ZFPM1: variants seen among roughly 807,000 people sequenced by gnomAD.
ZFPM1 encodes the protein zinc finger protein ZFPM1.
In ZFPM1, 28 loss-of-function variants were observed where a neutral mutation model predicts 46.3. The ratio of observed to expected loss-of-function variants is 0.60; its 90% confidence interval spans 0.45 to 0.83. The LOEUF (loss-of-function observed/expected upper bound fraction) is 0.83. Ranked by LOEUF, ZFPM1 falls within the 40% of genes least tolerant of loss-of-function variation. The probability of loss-of-function intolerance (pLI) is 0.00; values close to 1 mark genes in which losing one functional copy is unlikely to be tolerated. For missense variants in ZFPM1, 1,878 were observed against 1,432.4 expected, an observed-to-expected ratio of 1.31 and a Z score of -5.02; for synonymous variants, 957 against 675.9, an observed-to-expected ratio of 1.42 and a Z score of -6.45.
intron 3 of ZFPM1, among the ~76,000 whole-genome samples, chr16:88,506,573 G>T (rs1015793402): frequency 6.6e-6 from 1 of 152,172 alleles, no homozygotes; most frequent in Non-Finnish European, 1.5e-5. Context: ...GGGTGTGCAC[G>T]GGGCACAGCT....
chr16:88,505,016 C>A (rs1910571628), intron 3 of ZFPM1, among the ~76,000 whole-genome samples: 1 of 152,244 alleles, frequency 6.6e-6, no homozygotes, highest in Non-Finnish European at 1.5e-5. Flanking sequence ...AGGGTTCAGC[C>A]CGATAAAGAT....
chr16:88,477,478 C>G (rs1366960515), intron 1 of ZFPM1, among the ~76,000 whole-genome samples: 3 of 152,180 alleles, frequency 2.0e-5, no homozygotes, highest in Admixed American at 6.5e-5. Context: ...AAAAGCCAAA[C>G]ATGGCTGGGT....
intron 1 of ZFPM1, among the ~76,000 whole-genome samples, chr16:88,470,288 G>A (rs1354349316): frequency 1.3e-5 from 2 of 152,186 alleles, no homozygotes; most frequent in Non-Finnish European, 1.5e-5. Flanking sequence ...GGGTTGGGGC[G>A]GGCAGCCTCT....
intron 2 of ZFPM1, among the ~76,000 whole-genome samples, chr16:88,487,961 GCA>G (rs1909327206): frequency 6.6e-6 from 1 of 152,226 alleles, no homozygotes. Context: ...GTCCCCGTCG[GCA>G]CACGCTGCTC....
At chr16:88,520,374 A>C (rs1341847441) in intron 4 of ZFPM1, among the ~76,000 whole-genome samples, 1 of 139,100 alleles carries the variant, frequency 7.2e-6, no homozygotes, top group Non-Finnish European at 1.6e-5. Flanking sequence ...TGGATGGATG[A>C]GTGGATGGAT....
At position 88,469,668 on chromosome 16, in the gene ZFPM1, G is replaced by A. The variant is rs77955108; in HGVS notation, c.40+15990G>A. Among the ~76,000 whole-genome samples the A allele has an allele frequency of 0.016, 2,401 of 152,344 alleles. 65 individuals are homozygous for A. Among genetic ancestry groups the A allele is most frequent in the African/African-American group, 0.055 (2,300 of 41,576 alleles). On this transcript the variant is annotated intron_variant, in intron 1 of 9. Transcript: ENST00000319555. The surrounding 1 kb of genome is among the most constrained non-coding windows in gnomAD (Gnocchi z 4.3). ...GCTCCGCCGGCCTGAGACCTGGCTG[G>A]AGGCCCTGTCAGCTCCCACGGCACC...
intron 2 of ZFPM1, among the ~76,000 whole-genome samples, 158 bp from the exon 3 acceptor site, chr16:88,488,873 G>T (rs1909391090): frequency 6.6e-6 from 1 of 152,214 alleles, no homozygotes. Context: ...TTGGATGTCT[G>T]TCCCACCCCA....
At chr16:88,463,821 G>C (rs1004860387) in intron 1 of ZFPM1, among the ~76,000 whole-genome samples, 3 of 152,232 alleles carry the variant, frequency 2.0e-5, no homozygotes, top group Non-Finnish European at 4.4e-5. Flanking sequence ...GGCAGATCCA[G>C]CTCTGGCCTC....
upstream of ZFPM1, among the ~76,000 whole-genome samples, chr16:88,452,697 G>A (rs1907328798): frequency 6.6e-6 from 1 of 152,288 alleles, no homozygotes; most frequent in South Asian, 2.1e-4. Context: ...GGAGCGTGCG[G>A]CAGAGCCCAG....
chr16:88,512,918 G>A (rs1597265133), intron 3 of ZFPM1: 1 of 152,260 alleles, frequency 6.6e-6, no homozygotes, highest in Non-Finnish European at 1.5e-5. Context: ...GGACCCCGGT[G>A]CCCCACTGCT....
At chr16:88,531,692 C>T (rs1319813395) in intron 6 of ZFPM1, among the ~76,000 whole-genome samples, 1 of 152,226 alleles carries the variant, frequency 6.6e-6, no homozygotes, top group Non-Finnish European at 1.5e-5. Context: ...TGGCGGTGTC[C>T]ACTTCTTCCT....
rs1910002588 is a variant in ZFPM1 at position 88,497,555 on chromosome 16, G to A, written c.268+8402G>A. ...CGGGGATGGGGTTCAGCGGGGTCAGGGCGGGGGCTCAGTGCCAGGGACTGC... is the reference window on the plus strand; with the variant it reads ...CGGGGATGGGGTTCAGCGGGGTCAGAGCGGGGGCTCAGTGCCAGGGACTGC... On this transcript the variant is annotated intron_variant, in intron 3 of 9. Transcript: ENST00000319555. The surrounding 1 kb of genome is among the most constrained non-coding windows in gnomAD (Gnocchi z 5.4). Among the ~76,000 whole-genome samples, 1 of 151,830 alleles carries A rather than the reference G, an allele frequency of 6.6e-6. No individual in the cohort carries two copies. Among genetic ancestry groups the A allele is most frequent in the African/African-American group, 2.4e-5 (1 of 41,308 alleles).
chr16:88,496,488 A>C (rs915977630), intron 3 of ZFPM1, among the ~76,000 whole-genome samples: 1 of 152,016 alleles, frequency 6.6e-6, no homozygotes, highest in East Asian at 1.9e-4. Flanking sequence ...CTCCAGGGGC[A>C]AAGTGGGGCC....
intron 3 of ZFPM1, among the ~76,000 whole-genome samples, chr16:88,496,614 A>G (rs1909944393): frequency 6.6e-6 from 1 of 151,882 alleles, no homozygotes; most frequent in Non-Finnish European, 1.5e-5. Flanking sequence ...CTGTGGAACA[A>G]AAGTCCCCAC....
chr16:88,468,810 G>C (rs1232231038), intron 1 of ZFPM1: 1 of 152,436 alleles, frequency 6.6e-6, no homozygotes, highest in Non-Finnish European at 1.5e-5. Flanking sequence ...TGCTGTGTGG[G>C]GGCAGGGCCT....
chr16:88,489,419 C>G, intron 3 of ZFPM1: 1 of 431,444 alleles, frequency 2.3e-6, no homozygotes, highest in Non-Finnish European at 4.1e-6. Context: ...GTCTGGGCCG[C>G]GGAAGAGGAT....
chr16:88,508,101 C>T (rs551260468), intron 3 of ZFPM1, among the ~76,000 whole-genome samples: 3 of 152,216 alleles, frequency 2.0e-5, no homozygotes, highest in Admixed American at 6.5e-5. Flanking sequence ...GTTCAAGACA[C>T]GCCTGGCCAA....
intron 9 of ZFPM1, 52 bp from the exon 10 acceptor site, chr16:88,533,096 C>T (rs576615116): frequency 1.4e-6 from 2 of 1,464,224 alleles, no homozygotes; most frequent in African/African-American, 2.8e-5. Flanking sequence ...CAGCTCTGAC[C>T]GGCCAGGTCC....
intron 6 of ZFPM1, among the ~76,000 whole-genome samples, chr16:88,531,431 A>G (rs752450154): frequency 4.7e-4 from 71 of 152,308 alleles, no homozygotes; most frequent in Middle Eastern, 3.4e-3. Flanking sequence ...GGTCACTGAC[A>G]TGGAGCCGCC....
Sources: gnomAD v4.1 joint callset for allele counts (sites outside exome capture counted in the v4.1 genomes callset) on GRCh38, gnomAD v4.1.1 for gene constraint, Gnocchi (gnomAD v3.1) non-coding constraint, MANE v1.5 for transcripts, NCBI Gene and HGNC (gene_info 2026-07-23, HGNC 2026-07-21) for gene names.